KLRD1: variants seen among roughly 807,000 people sequenced by gnomAD.
KLRD1 encodes the protein natural killer cells antigen CD94.
KLRD1 carries 21 observed loss-of-function variants against 22.6 expected under a neutral mutation model. The observed-to-expected ratio is 0.93, with a 90% CI of 0.66 to 1.34. The LOEUF (loss-of-function observed/expected upper bound fraction) is 1.34. Among genes scored for constraint, KLRD1 ranks in the 40% most tolerant of loss-of-function variants. The pLI, the probability that KLRD1 is intolerant of heterozygous loss-of-function variation, is 0.00. For synonymous variants in KLRD1, 59 were observed against 71.1 expected, an observed-to-expected ratio of 0.83 and a Z score of 0.85; for missense variants, 183 against 208.6, an observed-to-expected ratio of 0.88 and a Z score of 0.76.
intron 1 of KLRD1, among the ~76,000 whole-genome samples, chr12:10,270,335 T>C (rs1012507976): frequency 4.6e-5 from 7 of 152,208 alleles, no homozygotes; most frequent in South Asian, 4.1e-4. Flanking sequence ...AAAAAATTAA[T>C]GAAGTTGCTC....
intron 1 of KLRD1, chr12:10,308,885 C>T (rs1397282053): frequency 6.5e-6 from 1 of 154,512 alleles, no homozygotes; most frequent in Non-Finnish European, 1.4e-5. Context: ...GATTCTTGAG[C>T]TAGACACACT....
At chr12:10,313,562 T>C (rs768213257) in intron 5 of KLRD1, 49 bp downstream of exon 5, 10 of 1,110,542 alleles carry the variant, frequency 9.0e-6, no homozygotes, top group Non-Finnish European at 1.3e-5. Context: ...GAATTTGTCC[T>C]TAAATGTGAC....
chr12:10,319,772 A>G lies in KLRD1; in HGVS notation c.*4979A>G, dbSNP rs1950293773. 6.6e-6 allele frequency: 1 copy of G among 151,952 alleles called. No individual in the cohort carries two copies. The highest frequency in any genetic ancestry group is 2.1e-4 in the South Asian group (1 of 4,808). 9.4% of individuals were successfully genotyped at this position (151,952 alleles called of 1,614,324 possible). A position where few individuals can be genotyped will look rare whatever the true frequency, so the allele number is the denominator to read the frequency against. On this transcript the variant is annotated 3_prime_UTR_variant, in exon 6 of 6. Coordinates refer to ENST00000336164, the MANE Select transcript of KLRD1 (RefSeq NM_002262.5). Reference sequence around the variant, plus strand: ...GCCCCCAGCCAACACCTTGACGGCAACCTCATGAGAGACCCTGAGCTAGGT... The same window carrying G: ...GCCCCCAGCCAACACCTTGACGGCAGCCTCATGAGAGACCCTGAGCTAGGT...
At chr12:10,309,211 A>T (rs546219852) in intron 1 of KLRD1, 177 bp from the exon 2 acceptor site, 1 of 512,390 alleles carries the variant, frequency 2.0e-6, no homozygotes, top group Non-Finnish European at 3.5e-6. Context: ...TACATCACAT[A>T]AAAATGTTGG....
chr12:10,271,357 C>A (rs1253518060), intron 1 of KLRD1, among the ~76,000 whole-genome samples: 3 of 152,138 alleles, frequency 2.0e-5, no homozygotes, highest in Non-Finnish European at 4.4e-5. Flanking sequence ...GATCTTGGTA[C>A]ACCATTCTAA....
At chr12:10,276,680 C>A (rs1166478991) in intron 1 of KLRD1, among the ~76,000 whole-genome samples, 2 of 136,308 alleles carry the variant, frequency 1.5e-5, no homozygotes, top group East Asian at 4.3e-4. Context: ...AGGCATGTGC[C>A]ACCATAAAAT....
intron 1 of KLRD1, among the ~76,000 whole-genome samples, chr12:10,274,815 G>T (rs972751419): frequency 8.6e-5 from 13 of 152,032 alleles, no homozygotes; most frequent in African/African-American, 3.1e-4. Context: ...TTCCAAATTT[G>T]TCTTATGTTC....
At position 10,329,041 on chromosome 12, in the gene KLRD1, G is replaced by C. The variant is rs1313746546; in HGVS notation, c.*14248G>C. On this transcript the variant is annotated 3_prime_UTR_variant, in exon 6 of 6. Coordinates refer to ENST00000336164, the MANE Select transcript of KLRD1 (RefSeq NM_002262.5). The stretch of plus-strand genomic sequence containing the variant: ...CCTCCACCAACATGGGGGAATTATG[G>C]GAGCTACAATTCAAGATGAGATTTG... The C allele has an allele frequency of 1.3e-5, 2 of 152,106 alleles. No homozygotes were observed. Among genetic ancestry groups the C allele is most frequent in the Non-Finnish European group, 2.9e-5 (2 of 68,026 alleles). 9.4% of individuals were successfully genotyped at this position (152,106 alleles called of 1,614,324 possible).
intron 1 of KLRD1, among the ~76,000 whole-genome samples, chr12:10,247,381 C>T (rs1405798361): frequency 1.3e-5 from 2 of 152,090 alleles, no homozygotes; most frequent in African/African-American, 2.4e-5. Flanking sequence ...TTTTTTCAAA[C>T]ATCTTATCCA....
chr12:10,245,469 A>G (rs1949282316), intron 1 of KLRD1, among the ~76,000 whole-genome samples: 1 of 152,232 alleles, frequency 6.6e-6, no homozygotes, highest in South Asian at 2.1e-4. Flanking sequence ...TTTCAGAAAG[A>G]TAAGCTTGCA....
chr12:10,308,536 G>A (rs758741003), intron 1 of KLRD1: 7 of 163,786 alleles, frequency 4.3e-5, no homozygotes, highest in Non-Finnish European at 9.4e-5. Context: ...GTGTGTTCAC[G>A]TTAGCACAGA....
intron 1 of KLRD1, among the ~76,000 whole-genome samples, chr12:10,243,437 A>G (rs1949259169): frequency 6.6e-6 from 1 of 151,742 alleles, no homozygotes. Context: ...AACATGGCAA[A>G]ACCCCATCTC....
chr12:10,318,191 T>C lies in KLRD1; in HGVS notation c.*3398T>C, dbSNP rs982971081. 1.8e-4 allele frequency: 28 copies of C among 152,238 alleles called. No individual in the cohort carries two copies. Among genetic ancestry groups the C allele is most frequent in the Non-Finnish European group, 3.1e-4 (21 of 68,054 alleles). The allele number at this position is 152,238 out of a possible 1,614,324, so 9.4% of individuals were successfully genotyped here. On this transcript the variant is annotated 3_prime_UTR_variant, in exon 6 of 6. Coordinates refer to ENST00000336164, the MANE Select transcript of KLRD1 (RefSeq NM_002262.5). ...ACAGCTCTTTGCTTATTTCCAGAGA[T>C]GCCTAGGTGTCTGTTTTTGACTCTT...
At chr12:10,300,811 C>T (rs1949860267), upstream of KLRD1, among the ~76,000 whole-genome samples, 1 of 152,192 alleles carries the variant, frequency 6.6e-6, no homozygotes, top group Non-Finnish European at 1.5e-5. Flanking sequence ...TTTGCTAGAT[C>T]TTCTGGATAA....
At chr12:10,250,632 A>T (rs1032159060) in intron 1 of KLRD1, among the ~76,000 whole-genome samples, 1 of 151,776 alleles carries the variant, frequency 6.6e-6, no homozygotes, top group African/African-American at 2.4e-5. Context: ...TAATTTTTGT[A>T]TTTGTCCCAA....
intron 1 of KLRD1, 55 bp from the exon 2 acceptor site, chr12:10,309,333 A>T (rs369744699): frequency 9.9e-4 from 782 of 792,504 alleles, no homozygotes; most frequent in Non-Finnish European, 1.4e-3. Context: ...GCTTTTAAGA[A>T]CTCAGCTCCT....
intron 4 of KLRD1, among the ~76,000 whole-genome samples, chr12:10,312,586 G>T (rs1244900020): frequency 1.3e-5 from 2 of 148,484 alleles, no homozygotes; most frequent in Non-Finnish European, 3.0e-5. Context: ...CACCGTGTTA[G>T]CCAGGATGGT....
intron 1 of KLRD1, among the ~76,000 whole-genome samples, chr12:10,284,964 A>G (rs1398361994): frequency 6.6e-6 from 1 of 151,056 alleles, no homozygotes; most frequent in African/African-American, 2.4e-5. Context: ...CTGGGCAACA[A>G]GAGCGAAACT....
rs202089499 is a variant in KLRD1 at position 10,311,610 on chromosome 12, G to T, written c.310G>T (p.Glu104Ter). 4 of 1,613,928 alleles carry T rather than the reference G, an allele frequency of 2.5e-6. No homozygotes were observed. Among genetic ancestry groups the T allele is most frequent in the Non-Finnish European group, 3.4e-6 (4 of 1,179,848 alleles). ...CCTGCTTCAGCTTCAAAACACAGAT[G>T]AACTGGCATGTGCTGAGTCTGATTT... Reference protein sequence around the residue: ...SSLLQLQNTDELDFMSSSQQF... With the variant: ...SSLLQLQNTD The change falls in exon 4 of 6, where the codon GAA becomes TAA. Residue 104 changes from glutamate (E) to a stop codon, truncating the protein, a stop_gained. Coordinates refer to ENST00000336164, the MANE Select transcript of KLRD1 (RefSeq NM_002262.5). LOFTEE classifies it high-confidence loss of function.
Sources: allele counts gnomAD v4.1 joint callset (sites outside exome capture counted in the v4.1 genomes callset), GRCh38; gene constraint gnomAD v4.1.1; transcripts MANE v1.5; gene names NCBI Gene and HGNC (gene_info 2026-07-23, HGNC 2026-07-21).